Variants in ADARB2 observed in about 807,000 individuals in gnomAD.
The protein encoded by ADARB2 is inactive double-stranded RNA-specific editase B2.
In ADARB2, 25 loss-of-function variants were observed where a neutral mutation model predicts 62.2. The ratio of observed to expected loss-of-function variants is 0.40; its 90% confidence interval spans 0.29 to 0.56. ADARB2 has a LOEUF of 0.56. ADARB2 is among the 20% of genes least tolerant of loss of function. The pLI is 0.43. For synonymous variants in ADARB2, 572 were observed against 500.8 expected, an observed-to-expected ratio of 1.14 and a Z score of -1.90; for missense variants, 1,071 against 1,077.4, an observed-to-expected ratio of 0.99 and a Z score of 0.08.
At chr10:1,440,771 G>T (rs146817379) in intron 1 of ADARB2, among the ~76,000 whole-genome samples, 4 of 152,302 alleles carry the variant, frequency 2.6e-5, no homozygotes, top group African/African-American at 9.6e-5. Flanking sequence ...CAGAACAAAT[G>T]CATGAAATGC....
At chr10:1,424,116 A>G (rs1183857690) in intron 1 of ADARB2, among the ~76,000 whole-genome samples, 1 of 149,920 alleles carries the variant, frequency 6.7e-6, no homozygotes, top group Non-Finnish European at 1.5e-5. Context: ...GGTCCAACAC[A>G]TATGCAGTGG....
intron 6 of ADARB2, among the ~76,000 whole-genome samples, chr10:1,227,916 T>G (rs1217250186): frequency 6.6e-6 from 1 of 152,230 alleles, no homozygotes; most frequent in Non-Finnish European, 1.5e-5. Flanking sequence ...GTGGGTGCAC[T>G]TTGCCATATT....
At chr10:1,230,845 G>T (rs886813980) in intron 6 of ADARB2, among the ~76,000 whole-genome samples, 7 of 152,162 alleles carry the variant, frequency 4.6e-5, no homozygotes, top group African/African-American at 1.7e-4. Flanking sequence ...TCTCAATTTT[G>T]CCTGGCATAT....
intron 3 of ADARB2, among the ~76,000 whole-genome samples, chr10:1,339,228 T>C (rs542891522): frequency 6.6e-6 from 1 of 152,108 alleles, no homozygotes; most frequent in Non-Finnish European, 1.5e-5. Context: ...CCCTGCCCCA[T>C]GGAAAGGGTG....
chr10:1,678,247 G>T, intron 1 of ADARB2: 2 of 985,230 alleles, frequency 2.0e-6, no homozygotes, highest in Non-Finnish European at 2.4e-6. Flanking sequence ...AGTGTCCTCG[G>T]GGTGAGCATC....
At chr10:1,616,887 C>G (rs12772184) in intron 1 of ADARB2, among the ~76,000 whole-genome samples, 183 of 35,468 alleles carry the variant, frequency 5.2e-3, no homozygotes, top group Middle Eastern at 0.042. Context: ...TGGCCTCAGA[C>G]GGTTGCATTC....
chr10:1,511,279 G>A (rs970867471), intron 1 of ADARB2, among the ~76,000 whole-genome samples: 1 of 152,208 alleles, frequency 6.6e-6, no homozygotes, highest in African/African-American at 2.4e-5. Context: ...GTATCAGAAT[G>A]CCTTTTTTGT....
intron 1 of ADARB2, among the ~76,000 whole-genome samples, chr10:1,693,975 G>A (rs750274239): frequency 4.3e-4 from 66 of 152,188 alleles, no homozygotes; most frequent in Non-Finnish European, 7.2e-4. Context: ...GAATGGCAGG[G>A]GACATTGCAC....
intron 1 of ADARB2, among the ~76,000 whole-genome samples, chr10:1,450,314 T>G (rs574837768): frequency 6.6e-6 from 1 of 152,358 alleles, no homozygotes; most frequent in Admixed American, 6.5e-5. Context: ...AAAATCATTA[T>G]GGGTGTGTCT....
chr10:1,376,879 G>C (rs1832434056), intron 2 of ADARB2, among the ~76,000 whole-genome samples: 1 of 139,044 alleles, frequency 7.2e-6, no homozygotes, highest in Admixed American at 7.1e-5. Context: ...GGGTGGGTGG[G>C]GGGGGTTGTG....
chr10:1,231,367 CCAGATTT>C (rs1398658595), intron 6 of ADARB2, among the ~76,000 whole-genome samples: 9 of 152,208 alleles, frequency 5.9e-5, no homozygotes, highest in Non-Finnish European at 1.2e-4. Flanking sequence ...GTGCAGTGTA[CCAGATTT>C]CACAGTTTTA....
rs11338512 is a variant in ADARB2, at chr10:1,734,296, G to GTTTTTT, written c.100+2749_100+2754dup. Among the ~76,000 whole-genome samples the GTTTTTT allele has an allele frequency of 5.0e-4, 65 of 130,780 alleles. No individual in the cohort carries two copies. The East Asian group carries it at 9.3e-3, about 19-fold the overall frequency. The allele number at this position is 130,780 out of a possible 152,430, so 85.8% of individuals were successfully genotyped here. On this transcript the variant is annotated intron_variant, in intron 1 of 9. Transcript: ENST00000381312. ...GAAAGTCATATTCTGTGACGAAGGT[G>GTTTTTT]TTTTTTTTTTTTTTTTTTTTAAAGA...
chr10:1,301,937 C>A (rs1335101868), intron 3 of ADARB2, among the ~76,000 whole-genome samples: 1 of 152,158 alleles, frequency 6.6e-6, no homozygotes, highest in Non-Finnish European at 1.5e-5. Context: ...CCACCTGGAG[C>A]CCACGGTTCA....
Position 1,586,728 on chromosome 10 carries a change from A to C in ADARB2, c.100+150323T>G, listed in dbSNP as rs182154293. On this transcript the variant is annotated intron_variant, in intron 1 of 9. Coordinates refer to ENST00000381312, the MANE Select transcript of ADARB2 (RefSeq NM_018702.4). The stretch of plus-strand genomic sequence containing the variant: ...TTCCTGGATTCTCTGCGATTATTTA[A>C]TGTCAGTGGAAAAACATTCTCATTA... Among the ~76,000 whole-genome samples the C allele has an allele frequency of 5.4e-4, 82 of 152,322 alleles. No homozygotes were observed. In the Middle Eastern group the frequency reaches 0.01, roughly 19 times the overall value.
At chr10:1,389,670 G>C (rs1328323026) in intron 1 of ADARB2, among the ~76,000 whole-genome samples, 1 of 152,068 alleles carries the variant, frequency 6.6e-6, no homozygotes, top group African/African-American at 2.4e-5. Context: ...TTGAACCGGG[G>C]AGGCAGAGGT....
chr10:1,400,284 C>T (rs934667569), intron 1 of ADARB2, among the ~76,000 whole-genome samples: 3 of 152,172 alleles, frequency 2.0e-5, no homozygotes, highest in Non-Finnish European at 2.9e-5. Context: ...CTCCCTGAGT[C>T]CGAGTCCGGG....
At chr10:1,624,759 CA>C (rs1465664430) in intron 1 of ADARB2, among the ~76,000 whole-genome samples, 3 of 151,990 alleles carry the variant, frequency 2.0e-5, no homozygotes, top group African/African-American at 7.3e-5. Flanking sequence ...TATGCAGGAA[CA>C]AAATGACTTC....
At chr10:1,712,229 T>A (rs1834956655) in intron 1 of ADARB2, among the ~76,000 whole-genome samples, 1 of 152,194 alleles carries the variant, frequency 6.6e-6, no homozygotes, top group Non-Finnish European at 1.5e-5. Flanking sequence ...GACTCAATAT[T>A]TGCTTATCTC....
At chr10:1,660,383 C>T (rs1834230779) in intron 1 of ADARB2, among the ~76,000 whole-genome samples, 2 of 152,186 alleles carry the variant, frequency 1.3e-5, no homozygotes, top group Non-Finnish European at 2.9e-5. Context: ...GAAGCAAAGT[C>T]GGTCGTAAGG....
Sources: gnomAD v4.1 joint callset for allele counts (sites outside exome capture counted in the v4.1 genomes callset) on GRCh38, gnomAD v4.1.1 for gene constraint, MANE v1.5 for transcripts, NCBI Gene and HGNC (gene_info 2026-07-23, HGNC 2026-07-21) for gene names.